Variants in CACNA1A observed in about 807,000 individuals in gnomAD.
The protein encoded by CACNA1A is calcium voltage-gated channel subunit alpha1 A.
CACNA1A carries 57 observed loss-of-function variants against 262.4 expected under a neutral mutation model. The ratio of observed to expected loss-of-function variants is 0.22; its 90% CI spans 0.18 to 0.27. The LOEUF (loss-of-function observed/expected upper bound fraction) is 0.27. Ranked by LOEUF, CACNA1A falls within the 10% of genes least tolerant of loss-of-function variation. The pLI is 1.00. For missense variants in CACNA1A, 2,526 were observed against 3,562.8 expected (o/e 0.71, Z 7.41); for synonymous variants, 1,431 against 1,419.3 (o/e 1.01, Z -0.18).
At chr19:13,461,563 T>A (rs1294399312) in intron 1 of CACNA1A, among the ~76,000 whole-genome samples, 1 of 152,154 alleles carries the variant, frequency 6.6e-6, no homozygotes, top group Non-Finnish European at 1.5e-5. Context: ...CTTGGCATGG[T>A]AAGAGATGCC....
chr19:13,399,921 G>C (rs1193359353), intron 3 of CACNA1A, among the ~76,000 whole-genome samples: 1 of 152,130 alleles, frequency 6.6e-6, no homozygotes, highest in African/African-American at 2.4e-5. Context: ...ATGATTCCTG[G>C]AGCCAGGCTA....
intron 19 of CACNA1A, among the ~76,000 whole-genome samples, chr19:13,292,149 G>A (rs1029689862): frequency 1.3e-5 from 2 of 152,108 alleles, no homozygotes; most frequent in African/African-American, 4.8e-5. Context: ...CCCTCATTTT[G>A]TCCACCCTGC....
rs575872429 is a variant in CACNA1A at position 13,474,590 on chromosome 19, G to A, written c.294-19378C>T. Among the ~76,000 whole-genome samples, 108 of 152,286 alleles carry A rather than the reference G, an allele frequency of 7.1e-4. 1 individual carries two copies. The highest frequency in any genetic ancestry group is 2.7e-3 in the East Asian group (14 of 5,168). Reference sequence around the variant, plus strand: ...TCCCAGCACTTTGGGAGGCCAAGGCGGGCGGATCACAAGGTCAGGAGTTCG... The same window carrying A: ...TCCCAGCACTTTGGGAGGCCAAGGCAGGCGGATCACAAGGTCAGGAGTTCG... On this transcript the variant is annotated intron_variant, in intron 1 of 46. Transcript: ENST00000360228.
At chr19:13,357,487 C>G (rs2059025780) in intron 6 of CACNA1A, among the ~76,000 whole-genome samples, 1 of 152,180 alleles carries the variant, frequency 6.6e-6, no homozygotes, top group South Asian at 2.1e-4. Context: ...CTCCACTGGT[C>G]AACAGAGCTG....
intron 4 of CACNA1A, chr19:13,365,997 TA>T (rs1253136779): frequency 6.6e-6 from 1 of 151,710 alleles, no homozygotes; most frequent in African/African-American, 2.4e-5. Flanking sequence ...TTATTTTATT[TA>T]TTTTTTTTGA....
At chr19:13,301,940 A>G (rs929359652) in intron 17 of CACNA1A, among the ~76,000 whole-genome samples, 1 of 149,124 alleles carries the variant, frequency 6.7e-6, no homozygotes, top group Non-Finnish European at 1.5e-5. Flanking sequence ...TCTCTGGACC[A>G]TCTGCCTCAG....
chr19:13,351,146 C>T (rs1256461535), intron 6 of CACNA1A, among the ~76,000 whole-genome samples: 1 of 152,148 alleles, frequency 6.6e-6, no homozygotes, highest in African/African-American at 2.4e-5. Context: ...TTCTATTTTC[C>T]CCTTTACCTA....
chr19:13,309,703 AAAAAT>A (rs1254309386), intron 12 of CACNA1A, among the ~76,000 whole-genome samples: 2 of 152,206 alleles, frequency 1.3e-5, no homozygotes, highest in Admixed American at 6.5e-5. Context: ...AAATAAAATA[AAAAAT>A]AAAATAAAAT....
intron 3 of CACNA1A, among the ~76,000 whole-genome samples, chr19:13,385,787 T>C (rs2059601956): frequency 6.6e-6 from 1 of 152,176 alleles, no homozygotes; most frequent in African/African-American, 2.4e-5. Context: ...ACTGAATGAA[T>C]AATGAAGCAA....
chr19:13,463,649 G>C (rs1436955841), intron 1 of CACNA1A, among the ~76,000 whole-genome samples: 1 of 152,130 alleles, frequency 6.6e-6, no homozygotes, highest in African/African-American at 2.4e-5. Context: ...ATACAGGGTA[G>C]AGGCAAAAAA....
At chr19:13,384,739 C>G (rs1469247384) in intron 3 of CACNA1A, among the ~76,000 whole-genome samples, 1 of 152,136 alleles carries the variant, frequency 6.6e-6, no homozygotes, top group Non-Finnish European at 1.5e-5. Context: ...AACAAAAACA[C>G]ACAGAAATAA....
chr19:13,324,573 T>C (rs1054910605), intron 10 of CACNA1A, among the ~76,000 whole-genome samples: 1 of 152,066 alleles, frequency 6.6e-6, no homozygotes, highest in African/African-American at 2.4e-5. Context: ...CAATTACCAT[T>C]TGTCAGCTGC....
At chr19:13,492,618 G>A (rs756506240) in intron 1 of CACNA1A, among the ~76,000 whole-genome samples, 4 of 152,076 alleles carry the variant, frequency 2.6e-5, no homozygotes, top group Non-Finnish European at 2.9e-5. Flanking sequence ...GTGGAAAAAC[G>A]GCTGGTCTCA....
In CACNA1A at chr19:13,228,603, G is replaced by GATATAT. The variant is rs755561985; in HGVS notation, c.5529-1077_5529-1076insATATAT. The stretch of plus-strand genomic sequence containing the variant: ...GGCTCTGTTTTTTTAGAGAGAGAGA[G>GATATAT]AGATATATATATATATATATATGAA... On this transcript the variant is annotated intron_variant, in intron 36 of 46. Coordinates refer to ENST00000360228, the MANE Select transcript of CACNA1A (RefSeq NM_001127222.2). The GATATAT allele has an allele frequency of 9.5e-5, 21 of 221,216 alleles. 2 individuals carry two copies. In the South Asian group the frequency reaches 2.6e-3, roughly 27 times the overall value. 13.7% of individuals were successfully genotyped at this position (221,216 alleles called of 1,614,324 possible). A position where few individuals can be genotyped will look rare whatever the true frequency, so the allele number is the denominator to read the frequency against.
intron 30 of CACNA1A, among the ~76,000 whole-genome samples, chr19:13,250,283 C>A (rs1010401747): frequency 1.3e-5 from 2 of 152,010 alleles, no homozygotes; most frequent in African/African-American, 2.4e-5. Context: ...TGGTCTTGAA[C>A]TCCTGACCTC....
intron 1 of CACNA1A, among the ~76,000 whole-genome samples, chr19:13,500,334 A>G (rs1389396081): frequency 1.3e-5 from 2 of 152,116 alleles, no homozygotes; most frequent in Non-Finnish European, 2.9e-5. Flanking sequence ...TCAGAGCTTG[A>G]CTTTTTCCTG....
intron 19 of CACNA1A, among the ~76,000 whole-genome samples, chr19:13,289,662 T>C (rs1269918991): frequency 1.3e-5 from 2 of 152,146 alleles, no homozygotes; most frequent in South Asian, 2.1e-4. Context: ...CGTAACCTCA[T>C]TGAGTCTGGC....
intron 6 of CACNA1A, among the ~76,000 whole-genome samples, chr19:13,354,934 G>A (rs1247820207): frequency 2.0e-5 from 3 of 147,316 alleles, no homozygotes; most frequent in African/African-American, 7.7e-5. Context: ...GAGTGCAGTG[G>A]CATGATCTTG....
At position 13,275,858 on chromosome 19, in the gene CACNA1A, A is replaced by G. The variant is rs2057135751; in HGVS notation, c.3981T>C (p.Phe1327=). The stretch of plus-strand genomic sequence containing the variant: ...CTTGCGAGGAGACTTACGTGAAGGC[A>G]AAGGCTACCAGGGCCCCACTGACCA... ...FIVVSGALVA[F]AFTGNSKGKD... is the part of the protein sequence containing the mutation. The change falls in exon 24 of 47, where the codon TTT becomes TTC. Residue 1327 remains phenylalanine (F), a synonymous_variant. Transcript: ENST00000360228. 1.9e-6 allele frequency: 3 copies of G among 1,612,190 alleles called. No individual in the cohort carries two copies. The highest frequency in any genetic ancestry group is 2.5e-6 in the Non-Finnish European group (3 of 1,178,374).
Sources: allele counts gnomAD v4.1 joint callset (sites outside exome capture counted in the v4.1 genomes callset), GRCh38; gene constraint gnomAD v4.1.1; transcripts MANE v1.5; gene names NCBI Gene and HGNC (gene_info 2026-07-23, HGNC 2026-07-21).